NELL1: variants seen among roughly 807,000 people sequenced by gnomAD.
The protein encoded by NELL1 is protein kinase C-binding protein NELL1.
In NELL1, 76 loss-of-function variants were observed where a neutral mutation model predicts 107.4. The ratio of observed to expected loss-of-function variants is 0.71; its 90% CI spans 0.59 to 0.86. The LOEUF is 0.86. Among genes scored for constraint, NELL1 ranks in the 40% least tolerant of loss-of-function variants. The pLI is 0.00. For missense variants in NELL1, 1,024 were observed against 1,005.5 expected (o/e 1.02, Z -0.25); for synonymous variants, 353 against 341.2 (o/e 1.03, Z -0.38).
At chr11:21,361,252 T>A (rs1851067989) in intron 14 of NELL1, among the ~76,000 whole-genome samples, 1 of 142,788 alleles carries the variant, frequency 7.0e-6, no homozygotes. Context: ...AAATTCCTTG[T>A]GTGACAATTT....
chr11:21,324,862 C>T (rs1387335083), intron 14 of NELL1, among the ~76,000 whole-genome samples: 2 of 152,042 alleles, frequency 1.3e-5, no homozygotes, highest in Non-Finnish European at 2.9e-5. Context: ...ACTGACTCTT[C>T]ACTGAGAAAT....
intron 14 of NELL1, among the ~76,000 whole-genome samples, chr11:21,269,327 G>T (rs1269497393): frequency 6.6e-6 from 1 of 150,786 alleles, no homozygotes; most frequent in Non-Finnish European, 1.5e-5. Flanking sequence ...AACCAAGCAG[G>T]ATAAATGCCA....
chr11:21,565,171 A>C (rs769475527), intron 17 of NELL1, among the ~76,000 whole-genome samples: 3 of 151,846 alleles, frequency 2.0e-5, no homozygotes, highest in Non-Finnish European at 4.4e-5. Context: ...GGTGGTTTTG[A>C]TGGTTGGAGT....
At chr11:21,391,666 G>C (rs1012999479) in intron 15 of NELL1, among the ~76,000 whole-genome samples, 1 of 151,464 alleles carries the variant, frequency 6.6e-6, no homozygotes, top group Non-Finnish European at 1.5e-5. Context: ...GAATGTTTTT[G>C]AGACAGGGTC....
intron 3 of NELL1, among the ~76,000 whole-genome samples, chr11:20,839,783 A>G (rs1848590642): frequency 6.6e-6 from 1 of 152,176 alleles, no homozygotes; most frequent in African/African-American, 2.4e-5. Flanking sequence ...TCTGGTATAT[A>G]TTCTGTTTCC....
At chr11:21,102,288 T>C (rs1428152053) in intron 12 of NELL1, among the ~76,000 whole-genome samples, 6 of 152,240 alleles carry the variant, frequency 3.9e-5, no homozygotes, top group Admixed American at 3.3e-4. Flanking sequence ...GCATGGCCCT[T>C]TGGGGAACCA....
intron 14 of NELL1, among the ~76,000 whole-genome samples, chr11:21,310,711 C>T (rs1003403642): frequency 6.6e-6 from 1 of 151,764 alleles, no homozygotes; most frequent in Non-Finnish European, 1.5e-5. Flanking sequence ...AGATGGTGTC[C>T]AAGCAGAAAA....
intron 15 of NELL1, among the ~76,000 whole-genome samples, chr11:21,482,598 G>A (rs1854520378): frequency 6.6e-6 from 1 of 152,102 alleles, no homozygotes; most frequent in African/African-American, 2.4e-5. Context: ...AATTACAGTA[G>A]TGGTGATGGT....
chr11:21,475,336 C>A (rs1175038716), intron 15 of NELL1, among the ~76,000 whole-genome samples: 1 of 152,090 alleles, frequency 6.6e-6, no homozygotes, highest in African/African-American at 2.4e-5. Context: ...CCACATGTCC[C>A]CAGCCTAAAC....
At chr11:20,869,659 G>A (rs546989810) in intron 4 of NELL1, among the ~76,000 whole-genome samples, 63 of 152,324 alleles carry the variant, frequency 4.1e-4, no homozygotes, top group African/African-American at 1.5e-3. Context: ...AGGCAAATAA[G>A]AGCTGGTTTC....
chr11:20,717,644 C>T (rs774283244), intron 2 of NELL1, among the ~76,000 whole-genome samples: 1 of 152,136 alleles, frequency 6.6e-6, no homozygotes, highest in Non-Finnish European at 1.5e-5. Context: ...CTCATCGTCT[C>T]TTTTTAACTT....
At chr11:20,796,784 C>T (rs1291286692) in intron 3 of NELL1, among the ~76,000 whole-genome samples, 1 of 152,060 alleles carries the variant, frequency 6.6e-6, no homozygotes, top group Non-Finnish European at 1.5e-5. Flanking sequence ...GAAACACTGC[C>T]AAGTATTGTT....
At chr11:21,515,728 G>T (rs1290668150) in intron 15 of NELL1, among the ~76,000 whole-genome samples, 3 of 152,092 alleles carry the variant, frequency 2.0e-5, no homozygotes, top group Non-Finnish European at 4.4e-5. Flanking sequence ...AAGCCTCCAA[G>T]GCACAGCATT....
At chr11:20,782,866 G>A (rs539920924) in intron 2 of NELL1, among the ~76,000 whole-genome samples, 3 of 152,134 alleles carry the variant, frequency 2.0e-5, no homozygotes, top group Non-Finnish European at 4.4e-5. Context: ...TCATGACAAG[G>A]GTGAGTCTGG....
At chr11:21,321,780 C>T (rs1314438282) in intron 14 of NELL1, among the ~76,000 whole-genome samples, 1 of 152,186 alleles carries the variant, frequency 6.6e-6, no homozygotes, top group South Asian at 2.1e-4. Context: ...AACAAACATG[C>T]ATCAATCTCC....
intron 15 of NELL1, among the ~76,000 whole-genome samples, chr11:21,377,428 C>G (rs753748055): frequency 1.3e-5 from 2 of 151,952 alleles, no homozygotes; most frequent in Admixed American, 6.6e-5. Flanking sequence ...TTTTTCATAT[C>G]CTGTTGAATG....
intron 14 of NELL1, among the ~76,000 whole-genome samples, chr11:21,274,796 ACT>A (rs1848818594): frequency 6.6e-6 from 1 of 152,320 alleles, no homozygotes; most frequent in East Asian, 1.9e-4. Flanking sequence ...TTCCTGAATG[ACT>A]ACTGGGTACG....
At chr11:20,751,503 G>A (rs539254465) in intron 2 of NELL1, among the ~76,000 whole-genome samples, 1 of 151,922 alleles carries the variant, frequency 6.6e-6, no homozygotes, top group Admixed American at 6.6e-5. Flanking sequence ...TGGAGTTGGG[G>A]TCTCACTCTG....
chr11:20,893,765 A>T (rs143280098), intron 5 of NELL1, among the ~76,000 whole-genome samples: 303 of 151,284 alleles, frequency 2.0e-3, no homozygotes, highest in African/African-American at 7.0e-3. Flanking sequence ...AGAGTATTAT[A>T]TTGAATTCAT....
Sources: gnomAD v4.1 joint callset for allele counts (sites outside exome capture counted in the v4.1 genomes callset) on GRCh38, gnomAD v4.1.1 for gene constraint, MANE v1.5 for transcripts, NCBI Gene and HGNC (gene_info 2026-07-23, HGNC 2026-07-21) for gene names.